MARK3: variants seen among roughly 807,000 people sequenced by gnomAD.
MARK3 encodes the protein microtubule affinity regulating kinase 3.
Under a neutral mutation model 90.1 loss-of-function variants are expected in MARK3, and 46 were observed. That is an observed-to-expected ratio of 0.51 (90% CI 0.40 to 0.65). MARK3 has a LOEUF of 0.65. Among genes scored for constraint, MARK3 ranks in the 30% least tolerant of loss-of-function variants. The pLI, the probability that MARK3 is intolerant of heterozygous loss-of-function variation, is 0.00. For missense variants in MARK3, 818 were observed against 947.2 expected (o/e 0.86, Z 1.79); for synonymous variants, 321 against 332.6 (o/e 0.97, Z 0.38).
At chr14:103,388,608 C>G (rs934086305) in intron 1 of MARK3, among the ~76,000 whole-genome samples, 1 of 152,166 alleles carries the variant, frequency 6.6e-6, no homozygotes, top group African/African-American at 2.4e-5. Context: ...TATGTAACCG[C>G]TATCACAATC....
chr14:103,401,891 T>G (rs934739734), intron 1 of MARK3, among the ~76,000 whole-genome samples: 11 of 152,158 alleles, frequency 7.2e-5, no homozygotes, highest in Non-Finnish European at 1.6e-4. Flanking sequence ...TGACAGATGA[T>G]ACAAACTCAG....
chr14:103,433,012 A>AT (rs1330982734), intron 3 of MARK3, among the ~76,000 whole-genome samples: 2 of 151,052 alleles, frequency 1.3e-5, no homozygotes, highest in Non-Finnish European at 3.0e-5. Context: ...TTCACACTAC[A>AT]TTTTTTTCTG....
intron 4 of MARK3, among the ~76,000 whole-genome samples, chr14:103,450,398 A>G (rs1358544417): frequency 2.0e-5 from 3 of 152,172 alleles, no homozygotes; most frequent in Non-Finnish European, 2.9e-5. Flanking sequence ...TAACGTAAAC[A>G]TGTTTATTTT....
chr14:103,502,814 A>G (rs1375359507), intron 17 of MARK3, 68 bp from the exon 18 acceptor site: 2 of 1,259,450 alleles, frequency 1.6e-6, no homozygotes, highest in Non-Finnish European at 1.1e-6. Context: ...TGAATGAGGA[A>G]CTAGCTGAAG....
Position 103,465,615 on chromosome 14 carries a change from G to A in MARK3, c.599G>A (p.Ser200Asn). ...MNIKIADFGF[S>N]NEFTVGGKLD... Reference sequence around the variant, plus strand: ...ATTAAAATAGCAGATTTCGGTTTTAGCAATGAATTTACTGTTGGCGGTAAA... The same window carrying A: ...ATTAAAATAGCAGATTTCGGTTTTAACAATGAATTTACTGTTGGCGGTAAA... The change falls in exon 8 of 18, where the codon AGC becomes AAC. Residue 200 changes from serine (S) to asparagine (N), a missense_variant. Physicochemically the swap from Ser to Asn is conservative, Grantham distance 46. Around this residue, in one of 3 missense-constraint regions of MARK3, gnomAD observed 101 missense variants for 175.1 expected, o/e 0.58. Transcript: ENST00000429436. 2 of 1,614,114 alleles carry A rather than the reference G, an allele frequency of 1.2e-6. No homozygotes were observed. The highest frequency in any genetic ancestry group is 2.2e-5 in the East Asian group (1 of 44,884).
intron 3 of MARK3, among the ~76,000 whole-genome samples, chr14:103,439,584 T>G (rs780416362): frequency 1.1e-4 from 17 of 152,012 alleles, no homozygotes; most frequent in Non-Finnish European, 2.2e-4. Flanking sequence ...AATTTTTGTA[T>G]TTTTAGTAGA....
intron 13 of MARK3, among the ~76,000 whole-genome samples, chr14:103,478,620 A>G (rs561262407): frequency 1.0e-4 from 14 of 135,862 alleles, no homozygotes; most frequent in Non-Finnish European, 2.0e-4. Flanking sequence ...GCTCACTGCA[A>G]ACTCCACCTC....
At chr14:103,391,708 T>TC (rs2090259456) in intron 1 of MARK3, among the ~76,000 whole-genome samples, 1 of 74,180 alleles carries the variant, frequency 1.3e-5, no homozygotes, top group African/African-American at 4.0e-5. Context: ...CATGCCTGGC[T>TC]ATTTTTTTTT....
intron 10 of MARK3, 63 bp downstream of exon 10, chr14:103,466,505 T>A: frequency 9.6e-7 from 1 of 1,043,374 alleles, no homozygotes; most frequent in Non-Finnish European, 1.5e-6. Flanking sequence ...CTGTTTTGAC[T>A]CATGTCTGTG....
chr14:103,404,112 C>T (rs1374893823), intron 1 of MARK3, among the ~76,000 whole-genome samples: 1 of 152,172 alleles, frequency 6.6e-6, no homozygotes, highest in Non-Finnish European at 1.5e-5. Context: ...AGTTTTAAAG[C>T]TTACTTTCAC....
intron 14 of MARK3, among the ~76,000 whole-genome samples, chr14:103,483,295 A>G (rs2093860199): frequency 1.3e-5 from 2 of 152,210 alleles, no homozygotes; most frequent in Non-Finnish European, 2.9e-5. Flanking sequence ...TTAGCCTTAA[A>G]TATTTTCGAC....
intron 2 of MARK3, among the ~76,000 whole-genome samples, chr14:103,413,429 CTTTT>C (rs33971338): frequency 1.5e-5 from 2 of 131,734 alleles, no homozygotes; most frequent in African/African-American, 2.9e-5. Flanking sequence ...TAATAGCATG[CTTTT>C]TTTTTTTTTT....
rs1356899052 is a variant in MARK3 at position 103,459,304 on chromosome 14, C to G, written c.483+2092C>G. Among the ~76,000 whole-genome samples the G allele has an allele frequency of 2.0e-5, 3 of 152,060 alleles. No homozygotes were observed. In the East Asian group the frequency reaches 5.8e-4, roughly 29 times the overall value. On this transcript the variant is annotated intron_variant, in intron 6 of 17. Transcript: ENST00000429436. ...AAATTCCCTGCAGAAATTCTGAAGC[C>G]TTTATTTGAGGAGCCTGTTAGTTGG...
intron 1 of MARK3, among the ~76,000 whole-genome samples, chr14:103,389,938 C>G (rs577873037): frequency 2.4e-5 from 2 of 83,282 alleles, no homozygotes. Flanking sequence ...AGGGATACTC[C>G]GTCTCAAAAA....
rs548576437 is a variant in MARK3 at position 103,501,509 on chromosome 14, A to T, written c.1916+1309A>T. ...CCACAGACACATCCTGTACTTTCCT[A>T]CCTCCCCTTTGGCTGTGATCCCCTC... On this transcript the variant is annotated intron_variant, in intron 17 of 17. Coordinates refer to ENST00000429436, the MANE Select transcript of MARK3 (RefSeq NM_001128918.3). 3.1e-4 allele frequency among the ~76,000 whole-genome samples: 47 copies of T among 151,322 alleles called. 2 individuals are homozygous for T. In the South Asian group the frequency reaches 9.6e-3, roughly 31 times the overall value.
intron 2 of MARK3, among the ~76,000 whole-genome samples, chr14:103,414,501 AG>A (rs150007229): frequency 0.29 from 43,670 of 152,044 alleles, 6,869 homozygotes; most frequent in Middle Eastern, 0.45. Flanking sequence ...CACCACACCC[AG>A]CTACTTAGTA....
intron 2 of MARK3, chr14:103,417,485 T>C (rs970939433): frequency 5.3e-5 from 8 of 152,098 alleles, no homozygotes; most frequent in African/African-American, 1.9e-4. Flanking sequence ...GTATGTAATA[T>C]TTTTTTTCTT....
At chr14:103,487,328 A>T (rs1434838040) in intron 14 of MARK3, among the ~76,000 whole-genome samples, 2 of 149,542 alleles carry the variant, frequency 1.3e-5, no homozygotes, top group Non-Finnish European at 1.5e-5. Context: ...TCTCTACAAA[A>T]TTTTTTTTTT....
chr14:103,479,169 C>T (rs2093772870), intron 13 of MARK3, among the ~76,000 whole-genome samples: 1 of 151,956 alleles, frequency 6.6e-6, no homozygotes, highest in Non-Finnish European at 1.5e-5. Context: ...CACAGGCATG[C>T]ATCACCATGC....
Sources: gnomAD v4.1 joint callset for allele counts (sites outside exome capture counted in the v4.1 genomes callset) on GRCh38, gnomAD v4.1.1 for gene constraint, gnomAD v4.1.1 regional missense constraint, MANE v1.5 for transcripts, NCBI Gene and HGNC (gene_info 2026-07-23, HGNC 2026-07-21) for gene names.